Variants in DNAH2 observed in about 807,000 individuals in gnomAD.
DNAH2 encodes the protein axonemal beta dynein heavy chain 2.
A neutral mutation model predicts 523.5 loss-of-function variants in DNAH2; 323 were observed. The observed-to-expected ratio is 0.62, with a 90% confidence interval of 0.56 to 0.68. The LOEUF is 0.68. DNAH2 is among the 30% of genes least tolerant of loss of function. The probability of loss-of-function intolerance (pLI) is 0.00; values close to 1 mark genes in which losing one functional copy is unlikely to be tolerated. For missense variants in DNAH2, 4,907 were observed against 5,701.5 expected (o/e 0.86, Z 4.49); for synonymous variants, 2,093 against 2,177.4 (o/e 0.96, Z 1.08).
chr17:7,815,336 G>T lies in DNAH2; in HGVS notation c.9730-1235G>T, dbSNP rs752035015. Among the ~76,000 whole-genome samples the T allele has an allele frequency of 3.3e-5, 5 of 152,356 alleles. No homozygotes were observed. The South Asian group carries it at 1.0e-3, about 32-fold the overall frequency. The stretch of plus-strand genomic sequence containing the variant: ...TTTCTAGTAGTGGAACTATTTCCAC[G>T]ATGTGGGCTGCCTTTCCCAGTGAGG... On this transcript the variant is annotated intron_variant, in intron 63 of 85. Transcript: ENST00000572933.
intron 39 of DNAH2, among the ~76,000 whole-genome samples, chr17:7,783,074 T>TTTGTA (rs918400223): frequency 2.0e-5 from 3 of 152,060 alleles, no homozygotes; most frequent in Non-Finnish European, 2.9e-5. Context: ...GTTTTTTTGT[T>TTTGTA]TTGTTTTGTT....
rs959949260 is a variant in DNAH2, at chr17:7,798,394, G to A, written c.8398+70G>A. On this transcript the variant is annotated intron_variant, in intron 54 of 85. Coordinates refer to ENST00000572933, the MANE Select transcript of DNAH2 (RefSeq NM_020877.5). The surrounding 1 kb of genome is among the most constrained non-coding windows in gnomAD (Gnocchi z 5.5). ...ATACATTCCTGCAGTGACAAGAGAG[G>A]AGAGATGGCAGCCAGATGGGCAGAC... is the stretch of plus-strand genomic sequence containing the variant. 2 of 1,551,508 alleles carry A rather than the reference G, an allele frequency of 1.3e-6. No homozygotes were observed. Among genetic ancestry groups the A allele is most frequent in the East Asian group, 2.3e-5 (1 of 44,058 alleles).
Position 7,807,693 on chromosome 17 carries a change from T to G in DNAH2, c.9729+107T>G. On this transcript the variant is annotated intron_variant, in intron 63 of 85. Transcript: ENST00000572933. This position sits in a 1 kb window ranked among gnomAD's most constrained non-coding sequence, Gnocchi z 5.6. Reference sequence around the variant, plus strand: ...TCTAATTCTAGCCCCCTTCCCCATGTCCTGTGCCATTCCAGTCCTGTCTCC... The same window carrying G: ...TCTAATTCTAGCCCCCTTCCCCATGGCCTGTGCCATTCCAGTCCTGTCTCC... The G allele has an allele frequency of 1.0e-6, 1 of 968,796 alleles. No individual in the cohort carries two copies. Among genetic ancestry groups the G allele is most frequent in the Non-Finnish European group, 1.6e-6 (1 of 636,004 alleles). 60.0% of individuals were successfully genotyped at this position (968,796 alleles called of 1,614,324 possible).
At chr17:7,771,288 G>A (rs1392208017) in intron 27 of DNAH2, 42 bp from the exon 28 acceptor site, 6 of 1,612,988 alleles carry the variant, frequency 3.7e-6, no homozygotes, top group Non-Finnish European at 5.1e-6. Context: ...GGTGGAGAGT[G>A]TGTAAGAAGT....
chr17:7,831,829 C>A lies in DNAH2; in HGVS notation c.12726+54C>A. On this transcript the variant is annotated intron_variant, in intron 82 of 85. Transcript: ENST00000572933. The surrounding 1 kb of genome is among the most constrained non-coding windows in gnomAD (Gnocchi z 4.2). ...CCAACAATGAGCTCCCCTCTCAATC[C>A]TGGGCCCCCCAATCTCCTGGTTCTA... is the stretch of plus-strand genomic sequence containing the variant. The A allele has an allele frequency of 6.6e-7, 1 of 1,515,550 alleles. No homozygotes were observed. Among genetic ancestry groups the A allele is most frequent in the South Asian group, 1.2e-5 (1 of 84,820 alleles). 93.9% of individuals were successfully genotyped at this position (1,515,550 alleles called of 1,614,324 possible). A position where few individuals can be genotyped will look rare whatever the true frequency, so the allele number is the denominator to read the frequency against.
chr17:7,781,696 ACTCAAGTGTACCTG>A (rs1337916414), intron 39 of DNAH2, among the ~76,000 whole-genome samples: 1 of 152,114 alleles, frequency 6.6e-6, no homozygotes, highest in African/African-American at 2.4e-5. Flanking sequence ...CCGCTGACCT[ACTCAAGTGTACCTG>A]CTCAAGTGCA....
chr17:7,805,240 C>A lies in DNAH2; in HGVS notation c.9301-12C>A. The A allele has an allele frequency of 6.2e-7, 1 of 1,614,012 alleles. No homozygotes were observed. On this transcript the variant is annotated splice_polypyrimidine_tract_variant and intron_variant, in intron 60 of 85. Coordinates refer to ENST00000572933, the MANE Select transcript of DNAH2 (RefSeq NM_020877.5). ...TCCTGTCTTACCCTCACTTTATCCC[C>A]TTTTCCCCCAGGCCCTGGAGTCTCT...
At chr17:7,815,755 C>A (rs1029139084) in intron 63 of DNAH2, among the ~76,000 whole-genome samples, 1 of 151,992 alleles carries the variant, frequency 6.6e-6, no homozygotes, top group African/African-American at 2.4e-5. Context: ...TATACAGGAT[C>A]ACACACACAT....
At chr17:7,772,484 C>T (rs560439469) in intron 28 of DNAH2, among the ~76,000 whole-genome samples, 5 of 152,304 alleles carry the variant, frequency 3.3e-5, no homozygotes, top group South Asian at 2.1e-4. Context: ...ATCTTGTCCA[C>T]GGCTACTGAG....
intron 2 of DNAH2, among the ~76,000 whole-genome samples, chr17:7,722,347 C>A (rs1429942511): frequency 6.6e-6 from 1 of 152,150 alleles, no homozygotes; most frequent in Admixed American, 6.6e-5. Flanking sequence ...AATTCACTGA[C>A]TCTAAAATTT....
intron 12 of DNAH2, 41 bp from the exon 13 acceptor site, chr17:7,757,050 C>T: frequency 2.5e-6 from 4 of 1,612,020 alleles, no homozygotes; most frequent in Non-Finnish European, 3.4e-6. Flanking sequence ...AGTTTATCCC[C>T]TCGTGCGGTC....
At chr17:7,789,579 C>CTTT (rs58735826) in intron 44 of DNAH2, among the ~76,000 whole-genome samples, 3 of 140,702 alleles carry the variant, frequency 2.1e-5, no homozygotes, top group Non-Finnish European at 3.1e-5. Context: ...GAGGAATACT[C>CTTT]TTTTTTTTTT....
intron 12 of DNAH2, among the ~76,000 whole-genome samples, chr17:7,748,369 C>T (rs779249454): frequency 7.9e-5 from 12 of 152,180 alleles, no homozygotes; most frequent in Admixed American, 2.6e-4. Context: ...CTTTTCCCCC[C>T]GGGTCAGCCC....
rs749187856 is a variant in DNAH2, at chr17:7,757,119, G to A, written c.1933G>A (p.Asp645Asn). 6.5e-5 allele frequency: 105 copies of A among 1,614,004 alleles called. No homozygotes were observed. Among genetic ancestry groups the A allele is most frequent in the Non-Finnish European group, 8.1e-5 (96 of 1,180,026 alleles). The stretch of plus-strand genomic sequence containing the variant: ...CCTTCTGATTCTCTTTGCGGAAATT[G>A]ACTACTGGGAGCGGCTGCTGTTTGA... ...KSLLILFAEI[D>N]YWERLLFETP... The change falls in exon 13 of 86, where the codon GAC (aspartate) becomes AAC (asparagine). Residue 645 changes from aspartate (D) to asparagine (N), a missense_variant. Around this residue, in one of 3 missense-constraint regions of DNAH2, gnomAD observed 2,806 missense variants for 3,190.8 expected, o/e 0.88. Transcript: ENST00000572933.
chr17:7,832,550 G>T lies in DNAH2; in HGVS notation c.12727-29G>T. 6.2e-7 allele frequency: 1 copy of T among 1,606,394 alleles called. No homozygotes were observed. The highest frequency in any genetic ancestry group is 1.1e-5 in the South Asian group (1 of 90,336). On this transcript the variant is annotated intron_variant, in intron 82 of 85. Transcript: ENST00000572933. The surrounding 1 kb of genome is among the most constrained non-coding windows in gnomAD (Gnocchi z 4.3). ...TACGGATTTGAATGCACGGCTAAAT[G>T]AGTGAATACACACGCACTCCTTCCC...
rs199664791 is a variant in DNAH2 at position 7,770,283 on chromosome 17, C to T, written c.3973C>T (p.Arg1325Trp). The change falls in exon 25 of 86, where the codon CGG becomes TGG. Residue 1325 changes from arginine (R) to tryptophan (W), a missense_variant. Coordinates refer to ENST00000572933, the MANE Select transcript of DNAH2 (RefSeq NM_020877.5). ...GGACCAGGTCCGGGATGAGATCCAG[C>T]GGGAGTTTGATCAGGAATCTGAAAG... Reference protein sequence around the residue: ...HWDQVRDEIQREFDQESESFT... With the variant: ...HWDQVRDEIQWEFDQESESFT... 57 of 1,612,542 alleles carry T rather than the reference C, an allele frequency of 3.5e-5. 1 individual carries two copies. Among genetic ancestry groups the T allele is most frequent in the Admixed American group, 2.0e-4 (12 of 59,848 alleles).
chr17:7,744,882 G>A (rs778695218), intron 12 of DNAH2, among the ~76,000 whole-genome samples: 4 of 152,088 alleles, frequency 2.6e-5, no homozygotes, highest in Non-Finnish European at 5.9e-5. Context: ...AGATGCCCTT[G>A]GTGTTTATGG....
Position 7,805,013 on chromosome 17 carries a change from T to A in DNAH2, c.9239T>A (p.Leu3080Gln), listed in dbSNP as rs1008008022. The A allele has an allele frequency of 6.2e-7, 1 of 1,614,076 alleles. No homozygotes were observed. The highest frequency in any genetic ancestry group is 8.5e-7 in the Non-Finnish European group (1 of 1,180,048). Residue 3080 changes from leucine to glutamine, a missense_variant, in exon 60 of 86, where the codon CTG (leucine) becomes CAG (glutamine). Physicochemically the swap from Leu to Gln is moderately radical, Grantham distance 113. This residue lies in a region of DNAH2 where 1,851 missense variants were observed against 2,139.4 expected (regional missense o/e 0.87). Coordinates refer to ENST00000572933, the MANE Select transcript of DNAH2 (RefSeq NM_020877.5). ...IAVEEIKCQA[L>Q]ADNAQKDLEE... ...GTTGAGGAAATCAAGTGTCAGGCAC[T>A]GGCTGACAATGCCCAGAAAGATCTA...
chr17:7,789,987 G>A (rs1567701983), intron 44 of DNAH2, among the ~76,000 whole-genome samples: 1 of 152,110 alleles, frequency 6.6e-6, no homozygotes, highest in Non-Finnish European at 1.5e-5. Flanking sequence ...CCATCCTCAA[G>A]CGCTCTCCAC....
Sources: gnomAD v4.1 joint callset for allele counts (sites outside exome capture counted in the v4.1 genomes callset) on GRCh38, gnomAD v4.1.1 for gene constraint, gnomAD v4.1.1 regional missense constraint, Gnocchi (gnomAD v3.1) non-coding constraint, MANE v1.5 for transcripts, NCBI Gene and HGNC (gene_info 2026-07-23, HGNC 2026-07-21) for gene names.